PCCA: variants seen among roughly 807,000 people sequenced by gnomAD.
The protein encoded by PCCA is propionyl-CoA carboxylase subunit alpha.
A neutral mutation model predicts 101.3 loss-of-function variants in PCCA; 74 were observed. That is an observed-to-expected ratio of 0.73 (90% CI 0.61 to 0.89). PCCA has a LOEUF of 0.89. Ranked by LOEUF, PCCA falls within the 40% of genes least tolerant of loss-of-function variation. The pLI is 0.00. For missense variants in PCCA, 891 were observed against 907.0 expected, an observed-to-expected ratio of 0.98 and a Z score of 0.23; for synonymous variants, 294 against 313.6, an observed-to-expected ratio of 0.94 and a Z score of 0.66.
At chr13:100,172,197 T>A (rs2055746754) in intron 6 of PCCA, among the ~76,000 whole-genome samples, 2 of 148,258 alleles carry the variant, frequency 1.3e-5, no homozygotes, top group Non-Finnish European at 1.5e-5. Flanking sequence ...CAAAACCCTG[T>A]CTCAAAAAAA....
intron 9 of PCCA, among the ~76,000 whole-genome samples, chr13:100,258,941 A>G (rs911290282): frequency 6.6e-6 from 1 of 152,206 alleles, no homozygotes; most frequent in African/African-American, 2.4e-5. Context: ...ATTAGATTTA[A>G]TAATACAAGC....
intron 22 of PCCA, among the ~76,000 whole-genome samples, chr13:100,520,528 G>A (rs1305414669): frequency 1.3e-5 from 2 of 151,518 alleles, no homozygotes; most frequent in South Asian, 4.2e-4. Flanking sequence ...CCAGCTACTC[G>A]GGAGGCTGAG....
Position 100,111,825 on chromosome 13 carries a change from TTTTTTCTCTC to T in PCCA, c.184-13_184-4del, listed in dbSNP as rs770647056. 6.3e-7 allele frequency: 1 copy of T among 1,587,764 alleles called. No individual in the cohort carries two copies. Among genetic ancestry groups the T allele is most frequent in the Non-Finnish European group, 8.6e-7 (1 of 1,158,328 alleles). ...AAAGTAACAATTTCTAATGAATGTG[TTTTTTCTCTC>T]TTCAGACTTTTGATAAAATTCTTGT... On this transcript the variant is annotated splice_region_variant and splice_polypyrimidine_tract_variant and intron_variant, in intron 2 of 23. Transcript: ENST00000376285.
intron 7 of PCCA, among the ~76,000 whole-genome samples, chr13:100,210,816 A>C (rs748407527): frequency 6.6e-6 from 1 of 152,190 alleles, no homozygotes; most frequent in Non-Finnish European, 1.5e-5. Context: ...TTCATGCATT[A>C]GAGGACGATT....
At chr13:100,357,844 A>G (rs2074112846) in intron 18 of PCCA, among the ~76,000 whole-genome samples, 1 of 152,206 alleles carries the variant, frequency 6.6e-6, no homozygotes, top group African/African-American at 2.4e-5. Context: ...TTAAGCAGGG[A>G]TATCATGGCA....
At chr13:100,312,674 A>G (rs2067016578) in intron 16 of PCCA, among the ~76,000 whole-genome samples, 2 of 152,224 alleles carry the variant, frequency 1.3e-5, no homozygotes, top group African/African-American at 4.8e-5. Context: ...ATGCTGACCA[A>G]CCACAGTGTC....
At chr13:100,274,482 A>G (rs1194440299) in intron 12 of PCCA, among the ~76,000 whole-genome samples, 1 of 152,170 alleles carries the variant, frequency 6.6e-6, no homozygotes, top group Non-Finnish European at 1.5e-5. Context: ...CACAACAGAA[A>G]TTTGTTCTCG....
chr13:100,210,538 G>T (rs889793666), intron 7 of PCCA, among the ~76,000 whole-genome samples: 1 of 152,194 alleles, frequency 6.6e-6, no homozygotes, highest in Non-Finnish European at 1.5e-5. Flanking sequence ...GGTGAAAGTG[G>T]TATAGCTATA....
intron 21 of PCCA, among the ~76,000 whole-genome samples, chr13:100,498,767 A>G (rs926738821): frequency 1.3e-5 from 2 of 152,102 alleles, no homozygotes; most frequent in African/African-American, 4.8e-5. Context: ...TGGTCTTTGT[A>G]GGTTTATTCC....
chr13:100,521,199 G>C (rs986816383), intron 22 of PCCA, among the ~76,000 whole-genome samples: 2 of 152,202 alleles, frequency 1.3e-5, no homozygotes, highest in African/African-American at 4.8e-5. Flanking sequence ...AACTGGACTT[G>C]TTTTATATCG....
intron 20 of PCCA, among the ~76,000 whole-genome samples, chr13:100,444,875 A>AT (rs59809510): frequency 0.8 from 121,964 of 152,186 alleles, 49,462 homozygotes; most frequent in African/African-American, 0.94. Context: ...AAAATTTGTA[A>AT]TTGGTTTTTA....
intron 21 of PCCA, chr13:100,473,274 T>G (rs2083162205): frequency 6.6e-6 from 1 of 152,172 alleles, no homozygotes; most frequent in Admixed American, 6.5e-5. Flanking sequence ...TGCTGTTATC[T>G]TCCCACAGAA....
intron 19 of PCCA, among the ~76,000 whole-genome samples, chr13:100,376,225 CG>C (rs943071787): frequency 6.6e-6 from 1 of 152,188 alleles, no homozygotes; most frequent in Non-Finnish European, 1.5e-5. Context: ...CTGAAAGCTT[CG>C]TCCCAGAGGG....
intron 12 of PCCA, among the ~76,000 whole-genome samples, chr13:100,300,825 A>AGT (rs2066004201): frequency 6.6e-6 from 1 of 152,242 alleles, no homozygotes; most frequent in African/African-American, 2.4e-5. Context: ...CATCAGCCCA[A>AGT]GTAGTTATCA....
At chr13:100,382,285 A>G (rs1218566140) in intron 19 of PCCA, among the ~76,000 whole-genome samples, 1 of 152,074 alleles carries the variant, frequency 6.6e-6, no homozygotes, top group East Asian at 1.9e-4. Context: ...GTCCGGCTGG[A>G]TTTTCTCCGG....
chr13:100,521,575 A>G (rs1304731542), intron 22 of PCCA, among the ~76,000 whole-genome samples: 1 of 152,248 alleles, frequency 6.6e-6, no homozygotes, highest in East Asian at 1.9e-4. Context: ...TCTTCAGGAA[A>G]TATCAGGGGA....
intron 7 of PCCA, 108 bp from the exon 8 acceptor site, chr13:100,235,734 G>A: frequency 1.3e-6 from 1 of 772,008 alleles, no homozygotes; most frequent in Non-Finnish European, 2.4e-6. Flanking sequence ...TAGTAAAATT[G>A]AACATTAAAT....
intron 21 of PCCA, among the ~76,000 whole-genome samples, chr13:100,453,593 A>C (rs912654865): frequency 1.3e-5 from 2 of 152,188 alleles, no homozygotes; most frequent in African/African-American, 4.8e-5. Context: ...TGTATCTTAG[A>C]AAAGGTCACT....
chr13:100,100,892 C>A (rs1376436397), intron 1 of PCCA, among the ~76,000 whole-genome samples: 1 of 151,998 alleles, frequency 6.6e-6, no homozygotes, highest in South Asian at 2.1e-4. Context: ...CAACCTCCGC[C>A]TCCCGGGTTC....
Sources: allele counts gnomAD v4.1 joint callset (sites outside exome capture counted in the v4.1 genomes callset), GRCh38; gene constraint gnomAD v4.1.1; transcripts MANE v1.5; gene names NCBI Gene and HGNC (gene_info 2026-07-23, HGNC 2026-07-21).